Variants in PALM2AKAP2 observed in about 807,000 individuals in gnomAD.
PALM2AKAP2 encodes PALM2 and AKAP2 fusion, also known as PALM2-AKAP2 fusion protein.
In PALM2AKAP2, 37 loss-of-function variants were observed where a neutral mutation model predicts 71.5. The ratio of observed to expected loss-of-function variants is 0.52; its 90% CI spans 0.40 to 0.68. The LOEUF (loss-of-function observed/expected upper bound fraction) is 0.68, where lower values mean the gene tolerates loss of function less well. Among genes scored for constraint, PALM2AKAP2 ranks in the 30% least tolerant of loss-of-function variants. PALM2AKAP2 has a pLI of 0.00. For synonymous variants in PALM2AKAP2, 468 were observed against 478.8 expected (o/e 0.98, Z 0.29); for missense variants, 1,224 against 1,191.8 (o/e 1.03, Z -0.40).
chr9:110,142,068 C>CTT (rs994621645), intron 2 of PALM2AKAP2, among the ~76,000 whole-genome samples: 1,655 of 121,776 alleles, frequency 0.014, 53 homozygotes, highest in African/African-American at 0.033. Context: ...TCTTATTTTA[C>CTT]TTTTTTTTTT....
intron 3 of PALM2AKAP2, among the ~76,000 whole-genome samples, chr9:109,892,138 G>A (rs936206786): frequency 6.6e-6 from 1 of 152,146 alleles, no homozygotes; most frequent in Non-Finnish European, 1.5e-5. Flanking sequence ...CAGCTCCAGA[G>A]GCCAGAAGTC....
At chr9:109,655,857 T>C (rs1382199408) in intron 1 of PALM2AKAP2, among the ~76,000 whole-genome samples, 1 of 152,204 alleles carries the variant, frequency 6.6e-6, no homozygotes, top group Non-Finnish European at 1.5e-5. Context: ...TTGGGTTGTT[T>C]CCCCCTTTTG....
chr9:110,071,901 G>C (rs570794926), intron 1 of PALM2AKAP2, among the ~76,000 whole-genome samples: 1 of 152,262 alleles, frequency 6.6e-6, no homozygotes, highest in Admixed American at 6.5e-5. Flanking sequence ...AGGTCAGTAA[G>C]ATCATTCTAA....
chr9:110,039,127 T>C (rs1460026350), intron 7 of PALM2AKAP2, among the ~76,000 whole-genome samples: 1 of 151,892 alleles, frequency 6.6e-6, no homozygotes, highest in Non-Finnish European at 1.5e-5. Context: ...CACATGCCTA[T>C]AGACCCAGCT....
chr9:109,782,433 A>C, intron 1 of PALM2AKAP2, among the ~76,000 whole-genome samples: 1 of 152,156 alleles, frequency 6.6e-6, no homozygotes, highest in South Asian at 2.1e-4. Flanking sequence ...AACTATTGGA[A>C]AAAATAATAG....
In PALM2AKAP2 at chr9:110,004,843, C is replaced by G. The variant is rs145576029; in HGVS notation, c.497-11111C>G. ...AATTGGCTACTGGGGCTTGTGCATT[C>G]ATCACGTAGTTCTCGTGCCGTGGTT... On this transcript the variant is annotated intron_variant, in intron 6 of 9. Coordinates refer to the PALM2AKAP2 transcript ENST00000302798. Among the ~76,000 whole-genome samples the G allele has an allele frequency of 2.9e-3, 443 of 152,334 alleles. 2 individuals carry two copies. Among genetic ancestry groups the G allele is most frequent in the African/African-American group, 9.9e-3 (412 of 41,566 alleles).
intron 1 of PALM2AKAP2, among the ~76,000 whole-genome samples, chr9:109,760,989 C>A (rs1283870273): frequency 1.3e-5 from 2 of 152,124 alleles, no homozygotes; most frequent in Non-Finnish European, 2.9e-5. Flanking sequence ...TGAGTACCAC[C>A]TTTTGGATTG....
chr9:109,940,752 C>T (rs1282793018), intron 6 of PALM2AKAP2, among the ~76,000 whole-genome samples: 3 of 152,024 alleles, frequency 2.0e-5, no homozygotes, highest in African/African-American at 4.8e-5. Context: ...AGTGAGAAGT[C>T]GTTATGGCCA....
intron 6 of PALM2AKAP2, among the ~76,000 whole-genome samples, chr9:109,966,710 C>T (rs1365125909): frequency 1.3e-5 from 2 of 152,160 alleles, no homozygotes; most frequent in East Asian, 3.8e-4. Context: ...AAAGCATGAC[C>T]TTAAAATAAT....
intron 7 of PALM2AKAP2, among the ~76,000 whole-genome samples, chr9:110,040,788 G>C (rs573704000): frequency 7.9e-5 from 12 of 152,164 alleles, no homozygotes; most frequent in Admixed American, 6.5e-4. Context: ...GAAGAAATTC[G>C]CTTGGTTGAC....
At chr9:110,017,820 T>C (rs897913899) in intron 7 of PALM2AKAP2, among the ~76,000 whole-genome samples, 1 of 151,582 alleles carries the variant, frequency 6.6e-6, no homozygotes, top group Admixed American at 6.6e-5. Context: ...ATCCGCCTCC[T>C]GGGTTCAAGC....
intron 1 of PALM2AKAP2, among the ~76,000 whole-genome samples, chr9:109,688,375 T>C (rs1827832633): frequency 6.6e-6 from 1 of 152,218 alleles, no homozygotes; most frequent in Admixed American, 6.5e-5. Context: ...GAACCAAACT[T>C]TGAGAAGCAT....
chr9:109,672,399 C>T (rs1034563862), intron 1 of PALM2AKAP2, among the ~76,000 whole-genome samples: 2 of 152,008 alleles, frequency 1.3e-5, no homozygotes, highest in Non-Finnish European at 2.9e-5. Flanking sequence ...TGTGATGAAT[C>T]ACATTTATTA....
At chr9:109,827,119 A>T (rs1278240114) in intron 1 of PALM2AKAP2, among the ~76,000 whole-genome samples, 2 of 152,168 alleles carry the variant, frequency 1.3e-5, no homozygotes, top group Non-Finnish European at 2.9e-5. Context: ...TAGTTCTGCT[A>T]AAAAGTCTCA....
intron 1 of PALM2AKAP2, among the ~76,000 whole-genome samples, chr9:109,841,799 G>T (rs1828694372): frequency 2.1e-5 from 1 of 48,596 alleles, no homozygotes; most frequent in Admixed American, 1.9e-4. Flanking sequence ...TGGAAGGGAG[G>T]GTGGAGGGAA....
intron 1 of PALM2AKAP2, 184 bp from the exon 2 acceptor site, chr9:109,867,307 G>A (rs1340476037): frequency 2.6e-5 from 15 of 587,146 alleles, no homozygotes; most frequent in Non-Finnish European, 4.2e-5. Flanking sequence ...CAGCAGACAT[G>A]TTAGGAGAAT....
chr9:109,696,155 C>T (rs1437451375), intron 1 of PALM2AKAP2, among the ~76,000 whole-genome samples: 2 of 151,648 alleles, frequency 1.3e-5, no homozygotes, highest in Non-Finnish European at 2.9e-5. Flanking sequence ...ATCACATATA[C>T]ATAGAAAAGT....
intron 1 of PALM2AKAP2, among the ~76,000 whole-genome samples, chr9:110,108,118 CTT>C (rs371354620): frequency 9.0e-5 from 10 of 111,188 alleles, no homozygotes; most frequent in Non-Finnish European, 9.5e-5. Flanking sequence ...TTCTTTTTTT[CTT>C]TTTTTTTTTT....
chr9:110,167,215 G>A (rs945318115), intron 3 of PALM2AKAP2, among the ~76,000 whole-genome samples: 3 of 152,206 alleles, frequency 2.0e-5, no homozygotes, highest in Admixed American at 6.5e-5. Context: ...TGAGATTTGG[G>A]TGGAGACACA....
Sources: gnomAD v4.1 joint callset for allele counts (sites outside exome capture counted in the v4.1 genomes callset) on GRCh38, gnomAD v4.1.1 for gene constraint, MANE v1.5 for transcripts, NCBI Gene and HGNC (gene_info 2026-07-23, HGNC 2026-07-21) for gene names.